Variants in PIP5K1B observed in about 807,000 individuals in gnomAD.
The protein encoded by PIP5K1B is phosphatidylinositol-4-phosphate 5-kinase type 1 beta, also known as phosphatidylinositol 4-phosphate 5-kinase type-1 beta.
In PIP5K1B, 42 loss-of-function variants were observed where a neutral mutation model predicts 67.0. The observed-to-expected ratio is 0.63, with a 90% confidence interval of 0.49 to 0.81. The LOEUF (loss-of-function observed/expected upper bound fraction) is 0.81. Ranked by LOEUF, PIP5K1B falls within the 30% of genes least tolerant of loss-of-function variation. The pLI, the probability that PIP5K1B is intolerant of heterozygous loss-of-function variation, is 0.00. For synonymous variants in PIP5K1B, 214 were observed against 231.4 expected, an observed-to-expected ratio of 0.92 and a Z score of 0.68; for missense variants, 459 against 646.3, an observed-to-expected ratio of 0.71 and a Z score of 3.14.
intron 2 of PIP5K1B, among the ~76,000 whole-genome samples, chr9:68,805,287 G>A (rs1407240172): frequency 1.3e-5 from 2 of 152,174 alleles, no homozygotes; most frequent in Non-Finnish European, 2.9e-5. Flanking sequence ...CCAGAGATGA[G>A]GGTGAGCATC....
chr9:68,793,466 G>GAAGAAGT (rs752134146), intron 2 of PIP5K1B, among the ~76,000 whole-genome samples: 2 of 152,176 alleles, frequency 1.3e-5, no homozygotes, highest in Non-Finnish European at 2.9e-5. Context: ...GGTGGAGGTG[G>GAAGAAGT]AAGAAGTGGC....
At chr9:68,713,155 T>C (rs1827472297) in intron 1 of PIP5K1B, among the ~76,000 whole-genome samples, 2 of 152,162 alleles carry the variant, frequency 1.3e-5, no homozygotes, top group Non-Finnish European at 2.9e-5. Flanking sequence ...TCCCAGCACC[T>C]TGGGAGCCCG....
At chr9:68,817,522 T>G (rs1289012346) in intron 2 of PIP5K1B, among the ~76,000 whole-genome samples, 1 of 152,230 alleles carries the variant, frequency 6.6e-6, no homozygotes, top group South Asian at 2.1e-4. Flanking sequence ...AACAATGGTA[T>G]GTCCATCTTG....
chr9:68,917,602 C>T lies in PIP5K1B; in HGVS notation c.826C>T (p.Leu276=), dbSNP rs763154878. Residue 276 remains leucine, a synonymous_variant, in exon 9 of 16, where the codon CTG becomes TTG. Transcript: ENST00000265382. ...TAGCCTTCTGTTGGGAATTCATTTC[C>T]TGGACCATTCCCTCAAAGAGAAAGA... is the stretch of plus-strand genomic sequence containing the variant. ...DYSLLLGIHF[L]DHSLKEKEEE... The T allele has an allele frequency of 2.4e-5, 39 of 1,613,910 alleles. No individual in the cohort carries two copies. Among genetic ancestry groups the T allele is most frequent in the Non-Finnish European group, 3.3e-5 (39 of 1,179,914 alleles).
At chr9:68,886,314 G>C (rs1304290597) in intron 6 of PIP5K1B, among the ~76,000 whole-genome samples, 1 of 152,122 alleles carries the variant, frequency 6.6e-6, no homozygotes, top group East Asian at 1.9e-4. Flanking sequence ...CAATTATGTA[G>C]CTTATTAATT....
At chr9:68,941,235 C>A in intron 14 of PIP5K1B, 1 of 392,880 alleles carries the variant, frequency 2.5e-6, no homozygotes, top group South Asian at 1.9e-5. Context: ...TTCCTGTAAC[C>A]TGTGAATATG....
In PIP5K1B at chr9:68,796,498, GA is replaced by G. The variant is rs1317086321; in HGVS notation, c.-85-21957del. On this transcript the variant is annotated intron_variant, in intron 2 of 15. Coordinates refer to ENST00000265382, the MANE Select transcript of PIP5K1B (RefSeq NM_003558.4). ...ATGTTTGGAGCTCCTGTGTGTGACT[GA>G]AAAAAGAAGAAAAGTGTAGTTTTCT... Among the ~76,000 whole-genome samples, 3 of 152,110 alleles carry G rather than the reference GA, an allele frequency of 2.0e-5. No individual in the cohort carries two copies. In the South Asian group the frequency reaches 6.2e-4, roughly 32 times the overall value.
intron 1 of PIP5K1B, among the ~76,000 whole-genome samples, chr9:68,730,688 A>T (rs551305465): frequency 6.6e-6 from 1 of 152,208 alleles, no homozygotes; most frequent in Non-Finnish European, 1.5e-5. Flanking sequence ...GTGGACTTTG[A>T]CCTGGACTTT....
intron 4 of PIP5K1B, among the ~76,000 whole-genome samples, chr9:68,854,127 C>CTT (rs36079285): frequency 0.012 from 1,303 of 106,928 alleles, 35 homozygotes; most frequent in African/African-American, 0.043. Flanking sequence ...AAACAGAAAA[C>CTT]TTTTTTTTTT....
chr9:68,904,829 G>A (rs10869487), intron 8 of PIP5K1B, among the ~76,000 whole-genome samples: 97,482 of 151,378 alleles, frequency 0.64, 34,188 homozygotes, highest in Non-Finnish European at 0.77. Context: ...GAAAATGGGA[G>A]ACTGAAGGTA....
intron 8 of PIP5K1B, among the ~76,000 whole-genome samples, chr9:68,905,151 C>T (rs1164501960): frequency 1.3e-5 from 2 of 151,806 alleles, no homozygotes; most frequent in Admixed American, 6.6e-5. Context: ...AGGCCCCAAG[C>T]GGAAAGACCC....
intron 15 of PIP5K1B, among the ~76,000 whole-genome samples, chr9:68,991,637 G>A (rs10746982): frequency 8.6e-5 from 13 of 151,698 alleles, no homozygotes; most frequent in African/African-American, 2.4e-4. Flanking sequence ...GCCGAGAGGC[G>A]CAGAACTGGG....
At chr9:68,986,114 T>C (rs897692297) in intron 14 of PIP5K1B, among the ~76,000 whole-genome samples, 2 of 152,252 alleles carry the variant, frequency 1.3e-5, no homozygotes, top group Non-Finnish European at 2.9e-5. Flanking sequence ...TGGATATGTA[T>C]GTGGGAGTGG....
At chr9:68,723,695 G>GGT (rs367948812) in intron 1 of PIP5K1B, among the ~76,000 whole-genome samples, 1 of 50,126 alleles carries the variant, frequency 2.0e-5, no homozygotes, top group Non-Finnish European at 3.6e-5. Context: ...GAAGTATTTG[G>GGT]TTTTTTTTTT....
chr9:68,706,386 A>G (rs188604440), intron 1 of PIP5K1B, among the ~76,000 whole-genome samples: 5 of 152,282 alleles, frequency 3.3e-5, no homozygotes, highest in Admixed American at 1.3e-4. Flanking sequence ...TGCCGGTGCC[A>G]GGAGTCGCCA....
chr9:68,789,257 C>T, intron 2 of PIP5K1B: 1 of 442,678 alleles, frequency 2.3e-6, no homozygotes, highest in Non-Finnish European at 4.3e-6. Flanking sequence ...TAGTGGGAGG[C>T]TTTATCTTTT....
chr9:68,969,324 C>T (rs531778590), intron 14 of PIP5K1B, among the ~76,000 whole-genome samples: 287 of 143,222 alleles, frequency 2.0e-3, no homozygotes, highest in Middle Eastern at 0.015. Context: ...GCCGAGATCA[C>T]GCCACTGCAC....
intron 9 of PIP5K1B, among the ~76,000 whole-genome samples, chr9:68,918,072 C>T (rs1202366925): frequency 2.0e-5 from 3 of 150,928 alleles, no homozygotes; most frequent in Admixed American, 1.3e-4. Flanking sequence ...TTTGAATAAA[C>T]ATGTTTTATT....
chr9:68,829,208 G>C (rs72717956), intron 4 of PIP5K1B, among the ~76,000 whole-genome samples: 14,982 of 152,248 alleles, frequency 0.098, 933 homozygotes, highest in Non-Finnish European at 0.15. Flanking sequence ...ATTTTGGAGG[G>C]AAGAGGGGCT....
Sources: gnomAD v4.1 joint callset for allele counts (sites outside exome capture counted in the v4.1 genomes callset) on GRCh38, gnomAD v4.1.1 for gene constraint, MANE v1.5 for transcripts, NCBI Gene and HGNC (gene_info 2026-07-23, HGNC 2026-07-21) for gene names.